Variants in ZBTB7B observed in about 807,000 individuals in gnomAD.
ZBTB7B encodes the protein zinc finger and BTB domain-containing protein 7B.
In ZBTB7B, 8 loss-of-function variants were observed where a neutral mutation model predicts 31.0. That is an observed-to-expected ratio of 0.26 (90% CI 0.15 to 0.47). The LOEUF (loss-of-function observed/expected upper bound fraction) is 0.47. ZBTB7B is among the 20% of genes least tolerant of loss of function. ZBTB7B has a pLI of 0.99. For missense variants in ZBTB7B, 494 were observed against 742.4 expected (o/e 0.67, Z 3.89); for synonymous variants, 261 against 307.3 (o/e 0.85, Z 1.58).
At position 155,017,789 on chromosome 1, in the gene ZBTB7B, T is replaced by G. The variant is rs1413290021; in HGVS notation, c.*1104T>G. The G allele has an allele frequency of 2.0e-5, 3 of 152,248 alleles. No homozygotes were observed. The highest frequency in any genetic ancestry group is 4.4e-5 in the Non-Finnish European group (3 of 68,056). 9.4% of individuals were successfully genotyped at this position (152,248 alleles called of 1,614,324 possible). On this transcript the variant is annotated 3_prime_UTR_variant, in exon 3 of 3. Coordinates refer to ENST00000535420, the MANE Select transcript of ZBTB7B (RefSeq NM_001256455.2). ...TTGCCAAGGCAGTGGGCACAGAACT[T>G]CTCGCTTGGCCGCAGGGGAAGGGGC...
chr1:155,003,292 A>G lies in ZBTB7B; in HGVS notation c.-7+349A>G, dbSNP rs1412074223. Among the ~76,000 whole-genome samples, 2 of 152,044 alleles carry G rather than the reference A, an allele frequency of 1.3e-5. No homozygotes were observed. Among genetic ancestry groups the G allele is most frequent in the African/African-American group, 4.8e-5 (2 of 41,394 alleles). On this transcript the variant is annotated intron_variant, in intron 1 of 2. Transcript: ENST00000535420. This position sits in a 1 kb window ranked among gnomAD's most constrained non-coding sequence, Gnocchi z 5.8. The stretch of plus-strand genomic sequence containing the variant: ...CAGTCTCCTTCGTGACTTTAGGGGG[A>G]GACCCCAGACCGGACTGAGTTGAGG...
chr1:155,010,854 T>C, intron 1 of ZBTB7B: 1 of 1,381,752 alleles, frequency 7.2e-7, no homozygotes, highest in African/African-American at 1.4e-5. Context: ...GGGGGAGGGG[T>C]GGCCAGCCAA....
chr1:155,005,852 TC>T (rs376409277), intron 1 of ZBTB7B, among the ~76,000 whole-genome samples: 15 of 151,346 alleles, frequency 9.9e-5, no homozygotes, highest in South Asian at 4.2e-4. Context: ...CGCTGCCCCC[TC>T]CCCCCCACTC....
chr1:155,015,543 G>C lies in ZBTB7B; in HGVS notation c.883G>C (p.Gly295Arg), dbSNP rs144925298. ...AGCCTATGGGCTGGCGCAGGGTGGC[G>C]GGCCCCCGCTGTCCCCAGAGGAGCT... is the stretch of plus-strand genomic sequence containing the variant. ...PPAYGLAQGGGPPLSPEELGS... is the reference protein window; with the variant it reads ...PPAYGLAQGGRPPLSPEELGS... The change falls in exon 2 of 3, where the codon GGG becomes CGG. Residue 295 changes from glycine (G) to arginine (R), a missense_variant. Coordinates refer to ENST00000535420, the MANE Select transcript of ZBTB7B (RefSeq NM_001256455.2). 6.2e-7 allele frequency: 1 copy of C among 1,613,832 alleles called. No homozygotes were observed. Among genetic ancestry groups the C allele is most frequent in the Admixed American group, 1.7e-5 (1 of 60,016 alleles).
At position 155,004,367 on chromosome 1, in the gene ZBTB7B, C is replaced by CG. The variant is rs146933958; in HGVS notation, c.-7+1429dup. 6.6e-6 allele frequency among the ~76,000 whole-genome samples: 1 copy of CG among 152,220 alleles called. No homozygotes were observed. Among genetic ancestry groups the CG allele is most frequent in the East Asian group, 1.9e-4 (1 of 5,178 alleles). On this transcript the variant is annotated intron_variant, in intron 1 of 2. Coordinates refer to ENST00000535420, the MANE Select transcript of ZBTB7B (RefSeq NM_001256455.2). This position sits in a 1 kb window ranked among gnomAD's most constrained non-coding sequence, Gnocchi z 4.0. ...GAGGAGGGAGACCGCTTATCAGGGA[C>CG]GGGGGAACCAGATTGGGCTGTGAGG...
chr1:155,012,240 C>A (rs1195652518), intron 1 of ZBTB7B, among the ~76,000 whole-genome samples: 1 of 141,500 alleles, frequency 7.1e-6, no homozygotes, highest in Non-Finnish European at 1.6e-5. Flanking sequence ...AGAAAGGAGG[C>A]GGGTTTAGCA....
chr1:155,014,944 G>A lies in ZBTB7B; in HGVS notation c.284G>A (p.Gly95Glu), dbSNP rs772715802. 7.4e-6 allele frequency: 12 copies of A among 1,613,902 alleles called. No individual in the cohort carries two copies. Among genetic ancestry groups the A allele is most frequent in the Non-Finnish European group, 1.0e-5 (12 of 1,179,976 alleles). The change falls in exon 2 of 3, where the codon GGG (glycine) becomes GAG (glutamate). Residue 95 changes from glycine to glutamate, a missense_variant. By Grantham distance (98) the Gly-to-Glu change is moderately conservative. Coordinates refer to ENST00000535420, the MANE Select transcript of ZBTB7B (RefSeq NM_001256455.2). Reference sequence around the variant, plus strand: ...GGTGTGTGTGAGCTGGACTTTGTAGGGCCAGAGGCACTAGGCGCCCTCCTT... The same window carrying A: ...GGTGTGTGTGAGCTGGACTTTGTAGAGCCAGAGGCACTAGGCGCCCTCCTT... ...GAGVCELDFV[G>E]PEALGALLEF...
At chr1:155,015,866 G>A (rs763453350) in intron 2 of ZBTB7B, 52 bp downstream of exon 2, 9 of 1,570,422 alleles carry the variant, frequency 5.7e-6, no homozygotes, top group South Asian at 4.7e-5. Flanking sequence ...AGGGGACAGG[G>A]TGGGAGGAGA....
Position 155,003,911 on chromosome 1 carries a change from C to T in ZBTB7B, c.-7+968C>T, listed in dbSNP as rs1451144263. 2.0e-5 allele frequency among the ~76,000 whole-genome samples: 3 copies of T among 151,996 alleles called. No homozygotes were observed. Among genetic ancestry groups the T allele is most frequent in the African/African-American group, 7.2e-5 (3 of 41,388 alleles). ...CGAGGTGGGGGCGGGAGTGGGGGGG[C>T]GGCGTGGGCAGCGGGTTGTGCCCGG... On this transcript the variant is annotated intron_variant, in intron 1 of 2. Transcript: ENST00000535420. This position sits in a 1 kb window ranked among gnomAD's most constrained non-coding sequence, Gnocchi z 5.8.
At chr1:155,014,360 A>G (rs570137837) in intron 1 of ZBTB7B, 3 of 318,290 alleles carry the variant, frequency 9.4e-6, no homozygotes, top group African/African-American at 2.1e-5. Context: ...CCACAGAGGC[A>G]GAGTAGAATA....
chr1:155,008,084 C>T (rs980965978), intron 1 of ZBTB7B, among the ~76,000 whole-genome samples: 5 of 152,152 alleles, frequency 3.3e-5, no homozygotes, highest in Non-Finnish European at 5.9e-5. Context: ...CAGCAGCTTG[C>T]GCAAGGGGTG....
chr1:155,009,785 G>A (rs760425728), intron 1 of ZBTB7B, among the ~76,000 whole-genome samples: 11 of 152,112 alleles, frequency 7.2e-5, no homozygotes, highest in East Asian at 3.9e-4. Flanking sequence ...ATTCCTCTGC[G>A]GCTCTCCACC....
At position 155,015,569 on chromosome 1, in the gene ZBTB7B, G is replaced by T; in HGVS notation, c.909G>T (p.Leu303=). The T allele has an allele frequency of 6.2e-7, 1 of 1,613,826 alleles. No homozygotes were observed. Among genetic ancestry groups the T allele is most frequent in the African/African-American group, 1.3e-5 (1 of 75,048 alleles). ...GGCCCCCGCTGTCCCCAGAGGAGCT[G>T]GGCTCAGATGAGGATGCCATCGATC... ...GGGPPLSPEE[L]GSDEDAIDPD... is the part of the protein sequence containing the mutation. Residue 303 remains leucine (L), a synonymous_variant, in exon 2 of 3, where the codon CTG becomes CTT. Coordinates refer to ENST00000535420, the MANE Select transcript of ZBTB7B (RefSeq NM_001256455.2).
chr1:155,018,334 G>A lies in ZBTB7B; in HGVS notation c.*1649G>A. ...CATTTCAGGTGATGGGGGGAGCCCA[G>A]GGCTGGGGAGACCTGGGGCCCAGCC... On this transcript the variant is annotated 3_prime_UTR_variant, in exon 3 of 3. Transcript: ENST00000535420. 1 of 593,738 alleles carries A rather than the reference G, an allele frequency of 1.7e-6. No homozygotes were observed. The highest frequency in any genetic ancestry group is 3.0e-6 in the Non-Finnish European group (1 of 336,240). The allele number at this position is 593,738 out of a possible 1,614,324, so 36.8% of individuals were successfully genotyped here.
At chr1:155,011,134 C>A in intron 1 of ZBTB7B, 1 of 944,300 alleles carries the variant, frequency 1.1e-6, no homozygotes, top group Non-Finnish European at 1.6e-6. Context: ...AGCCTCACTC[C>A]CCTAATCCCC....
chr1:155,012,446 CCTG>C (rs1334302264), intron 1 of ZBTB7B, among the ~76,000 whole-genome samples: 6 of 152,058 alleles, frequency 3.9e-5, no homozygotes, highest in Non-Finnish European at 7.4e-5. Flanking sequence ...TGCTGCTCCT[CCTG>C]CTGCTGCTGC....
intron 1 of ZBTB7B, among the ~76,000 whole-genome samples, chr1:155,005,546 T>C (rs1658510667): frequency 6.6e-6 from 1 of 152,214 alleles, no homozygotes; most frequent in South Asian, 2.1e-4. Flanking sequence ...GTGAATGGGC[T>C]CCAGGCAGGG....
At chr1:155,005,168 C>T (rs1447710294) in intron 1 of ZBTB7B, among the ~76,000 whole-genome samples, 28 of 151,930 alleles carry the variant, frequency 1.8e-4, no homozygotes, top group Admixed American at 1.8e-3. Context: ...CTTTGTGTGC[C>T]TGCACTTGGC....
Position 155,015,591 on chromosome 1 carries a change from G to T in ZBTB7B, c.931G>T (p.Asp311Tyr). ...EELGSDEDAI[D>Y]PDLMAYLSSL... ...GCTGGGCTCAGATGAGGATGCCATC[G>T]ATCCTGACCTGATGGCCTACCTAAG... The change falls in exon 2 of 3, where the codon GAT becomes TAT. Residue 311 changes from aspartate (D) to tyrosine (Y), a missense_variant. Transcript: ENST00000535420. 1.2e-6 allele frequency: 2 copies of T among 1,613,684 alleles called. No individual in the cohort carries two copies. Among genetic ancestry groups the T allele is most frequent in the East Asian group, 2.2e-5 (1 of 44,872 alleles).
Sources: gnomAD v4.1 joint callset for allele counts (sites outside exome capture counted in the v4.1 genomes callset) on GRCh38, gnomAD v4.1.1 for gene constraint, Gnocchi (gnomAD v3.1) non-coding constraint, MANE v1.5 for transcripts, NCBI Gene and HGNC (gene_info 2026-07-23, HGNC 2026-07-21) for gene names.